Variants in DOCK5 observed in about 807,000 individuals in gnomAD.
The protein encoded by DOCK5 is dedicator of cytokinesis protein 5.
A neutral mutation model predicts 251.8 loss-of-function variants in DOCK5; 142 were observed. The ratio of observed to expected loss-of-function variants is 0.56; its 90% CI spans 0.49 to 0.65. The LOEUF (loss-of-function observed/expected upper bound fraction) is 0.65. Ranked by LOEUF, DOCK5 falls within the 30% of genes least tolerant of loss-of-function variation. The pLI, the probability that DOCK5 is intolerant of heterozygous loss-of-function variation, is 0.00. For synonymous variants in DOCK5, 842 were observed against 835.5 expected, an observed-to-expected ratio of 1.01 and a Z score of -0.13; for missense variants, 2,111 against 2,312.3, an observed-to-expected ratio of 0.91 and a Z score of 1.79.
rs117704966 is a variant in DOCK5, at chr8:25,215,347, G to A, written c.44-28327G>A. Reference sequence around the variant, plus strand: ...TGGGTGAGGGTAGGATGGGGGTGGGGGGATGTCTTTTCTCCTCTGTCCTGG... The same window carrying A: ...TGGGTGAGGGTAGGATGGGGGTGGGAGGATGTCTTTTCTCCTCTGTCCTGG... On this transcript the variant is annotated intron_variant, in intron 1 of 51. Coordinates refer to ENST00000276440, the MANE Select transcript of DOCK5 (RefSeq NM_024940.8). Among the ~76,000 whole-genome samples the A allele has an allele frequency of 1.1e-3, 169 of 152,186 alleles. 2 individuals are homozygous for A. In the East Asian group the frequency reaches 0.027, roughly 25 times the overall value.
chr8:25,328,287 C>G (rs1481012621), intron 18 of DOCK5, among the ~76,000 whole-genome samples: 1 of 151,846 alleles, frequency 6.6e-6, no homozygotes, highest in Non-Finnish European at 1.5e-5. Flanking sequence ...GTTAAAAAGG[C>G]AAACCTTGTC....
chr8:25,320,997 A>G lies in DOCK5; in HGVS notation c.1560A>G (p.Glu520=), dbSNP rs1427308411. 2 of 1,613,416 alleles carry G rather than the reference A, an allele frequency of 1.2e-6. No individual in the cohort carries two copies. Among genetic ancestry groups the G allele is most frequent in the African/African-American group, 2.7e-5 (2 of 74,936 alleles). ...YETVKVSIAI[E]EVTRCHIRFT... Reference sequence around the variant, plus strand: ...TGACACAGGTATCCATTGCTATAGAAGAAGTCACACGCTGTCATATAAGAT... The same window carrying G: ...TGACACAGGTATCCATTGCTATAGAGGAAGTCACACGCTGTCATATAAGAT... Residue 520 remains glutamate (E), a synonymous_variant, in exon 16 of 52, where the codon GAA becomes GAG. Transcript: ENST00000276440.
intron 47 of DOCK5, among the ~76,000 whole-genome samples, chr8:25,403,044 G>C (rs1338915942): frequency 6.6e-6 from 1 of 152,168 alleles, no homozygotes; most frequent in Non-Finnish European, 1.5e-5. Context: ...GTCATTATTA[G>C]AACTTGGCCG....
chr8:25,286,253 C>T (rs183528034), intron 5 of DOCK5, among the ~76,000 whole-genome samples: 5 of 152,096 alleles, frequency 3.3e-5, no homozygotes, highest in African/African-American at 4.8e-5. Context: ...AGCTCGACAC[C>T]GGGAAAATTT....
intron 31 of DOCK5, among the ~76,000 whole-genome samples, chr8:25,367,769 G>A (rs563089691): frequency 3.3e-5 from 5 of 152,236 alleles, no homozygotes; most frequent in South Asian, 2.1e-4. Flanking sequence ...TGAAAAACAC[G>A]CTAGAATGGA....
intron 4 of DOCK5, among the ~76,000 whole-genome samples, chr8:25,278,298 G>A (rs997808030): frequency 2.0e-5 from 3 of 151,076 alleles, no homozygotes; most frequent in Non-Finnish European, 4.4e-5. Context: ...CTCAGTAATC[G>A]AGTCTCCTGG....
intron 47 of DOCK5, among the ~76,000 whole-genome samples, chr8:25,402,206 C>T (rs1801450930): frequency 1.3e-5 from 2 of 152,216 alleles, no homozygotes; most frequent in Admixed American, 6.5e-5. Flanking sequence ...CAGCTCACTG[C>T]AGCCTTGACT....
At chr8:25,189,168 G>C (rs1325403316) in intron 1 of DOCK5, among the ~76,000 whole-genome samples, 1 of 150,784 alleles carries the variant, frequency 6.6e-6, no homozygotes, top group Non-Finnish European at 1.5e-5. Context: ...CTGCAGGTGT[G>C]CACCACCATG....
In DOCK5 at chr8:25,325,534, GCTCACC is replaced by G; in HGVS notation, c.1892_1897del (p.Leu631_Thr632del). ...TTGCCACCCTCATCTGCTCCACAAA[GCTCACC>G]CAGAATGGTAGGAGTGGTGAATACA... On this transcript the variant is annotated inframe_deletion, in exon 18 of 52. Coordinates refer to ENST00000276440, the MANE Select transcript of DOCK5 (RefSeq NM_024940.8). 1 of 1,613,536 alleles carries G rather than the reference GCTCACC, an allele frequency of 6.2e-7. No individual in the cohort carries two copies. Among genetic ancestry groups the G allele is most frequent in the Non-Finnish European group, 8.5e-7 (1 of 1,179,630 alleles).
At chr8:25,350,042 T>C (rs1398717435) in intron 26 of DOCK5, among the ~76,000 whole-genome samples, 2 of 152,038 alleles carry the variant, frequency 1.3e-5, no homozygotes, top group Non-Finnish European at 2.9e-5. Context: ...GATGGGGAGA[T>C]GTTGATCAAA....
chr8:25,368,288 C>T (rs2257081), intron 32 of DOCK5, 38 bp downstream of exon 32: 632,403 of 1,564,906 alleles, frequency 0.4, 129,211 homozygotes, highest in Admixed American at 0.5. Context: ...ATCACAACCT[C>T]TGAGTGATAA....
chr8:25,187,527 A>G (rs1487151871), intron 1 of DOCK5, among the ~76,000 whole-genome samples: 1 of 151,864 alleles, frequency 6.6e-6, no homozygotes, highest in Non-Finnish European at 1.5e-5. Flanking sequence ...CACAGTTGGG[A>G]TAAATTAACT....
chr8:25,189,337 G>A (rs2117436857), intron 1 of DOCK5, among the ~76,000 whole-genome samples: 1 of 152,122 alleles, frequency 6.6e-6, no homozygotes, highest in South Asian at 2.1e-4. Flanking sequence ...AGGATTACAG[G>A]GGTGAGCCAT....
chr8:25,247,142 A>G (rs1803137362), intron 2 of DOCK5, among the ~76,000 whole-genome samples: 1 of 152,158 alleles, frequency 6.6e-6, no homozygotes, highest in African/African-American at 2.4e-5. Context: ...CTCCTGCCTC[A>G]GCCTTCCAAA....
At position 25,403,665 on chromosome 8, in the gene DOCK5, T is replaced by G; in HGVS notation, c.5034T>G (p.Ser1678=). Residue 1678 remains serine, a synonymous_variant, in exon 48 of 52, where the codon TCT becomes TCG. Coordinates refer to ENST00000276440, the MANE Select transcript of DOCK5 (RefSeq NM_024940.8). ...RRLSITSVTS[S]VVSTSSNSSD... ...TGTCCATCACCTCAGTCACTTCCTC[T>G]GTGGTTTCCACCTCTTCAAACTCGT... 1.2e-6 allele frequency: 2 copies of G among 1,614,028 alleles called. No homozygotes were observed. The highest frequency in any genetic ancestry group is 1.7e-6 in the Non-Finnish European group (2 of 1,179,884).
At position 25,184,788 on chromosome 8, in the gene DOCK5, C is replaced by A. The variant is rs1801385188; in HGVS notation, c.-121C>A. ...CGAGGAGGCGGCCCGCGGAGTCCAG[C>A]GAAGTTTGGCGGAACATGGCGGAAG... is the stretch of plus-strand genomic sequence containing the variant. On this transcript the variant is annotated 5_prime_UTR_variant, in exon 1 of 52. Coordinates refer to ENST00000276440, the MANE Select transcript of DOCK5 (RefSeq NM_024940.8). The A allele has an allele frequency of 3.1e-6, 3 of 977,670 alleles. No homozygotes were observed. The highest frequency in any genetic ancestry group is 4.0e-6 in the Non-Finnish European group (3 of 758,602). 60.6% of individuals were successfully genotyped at this position (977,670 alleles called of 1,614,324 possible). A position where few individuals can be genotyped will look rare whatever the true frequency, so the allele number is the denominator to read the frequency against.
At chr8:25,243,895 G>T in intron 2 of DOCK5, 138 bp downstream of exon 2, 1 of 815,830 alleles carries the variant, frequency 1.2e-6, no homozygotes, top group Non-Finnish European at 1.9e-6. Context: ...AAGTACTTGG[G>T]TGACACAATT....
At chr8:25,349,296 G>GA (rs1252886641) in intron 26 of DOCK5, among the ~76,000 whole-genome samples, 1 of 152,144 alleles carries the variant, frequency 6.6e-6, no homozygotes, top group African/African-American at 2.4e-5. Context: ...AAAACAGTAT[G>GA]AAAAACTATG....
intron 18 of DOCK5, 140 bp from the exon 19 acceptor site, chr8:25,332,111 T>C (rs1000778174): frequency 3.8e-6 from 2 of 522,270 alleles, no homozygotes; most frequent in Non-Finnish European, 6.7e-6. Context: ...TAGGAGATAG[T>C]AAATTAAAAG....
Sources: allele counts gnomAD v4.1 joint callset (sites outside exome capture counted in the v4.1 genomes callset), GRCh38; gene constraint gnomAD v4.1.1; transcripts MANE v1.5; gene names NCBI Gene and HGNC (gene_info 2026-07-23, HGNC 2026-07-21).